BABAM2: variants seen among roughly 807,000 people sequenced by gnomAD.
BABAM2 encodes BRISC and BRCA1 A complex member 2.
A neutral mutation model predicts 54.7 loss-of-function variants in BABAM2; 31 were observed. The observed-to-expected ratio is 0.57, with a 90% CI of 0.43 to 0.77. BABAM2 has a LOEUF of 0.77. Ranked by LOEUF, BABAM2 falls within the 30% of genes least tolerant of loss-of-function variation. The probability of loss-of-function intolerance (pLI) is 0.00; values close to 1 mark genes in which losing one functional copy is unlikely to be tolerated. For synonymous variants in BABAM2, 167 were observed against 162.9 expected, an observed-to-expected ratio of 1.03 and a Z score of -0.19; for missense variants, 364 against 455.8, an observed-to-expected ratio of 0.80 and a Z score of 1.83.
intron 6 of BABAM2, among the ~76,000 whole-genome samples, chr2:28,120,441 G>T (rs1001585439): frequency 1.3e-5 from 2 of 152,126 alleles, no homozygotes; most frequent in Admixed American, 1.3e-4. Context: ...CATCCTAGAG[G>T]ATATAGTATC....
chr2:28,087,883 C>T (rs1306903656), intron 6 of BABAM2, among the ~76,000 whole-genome samples: 1 of 152,186 alleles, frequency 6.6e-6, no homozygotes, highest in Non-Finnish European at 1.5e-5. Flanking sequence ...CTTCTGACGT[C>T]AAGTGATCTG....
chr2:28,260,906 C>T (rs946181780), intron 10 of BABAM2, among the ~76,000 whole-genome samples: 44 of 149,358 alleles, frequency 2.9e-4, no homozygotes, highest in African/African-American at 8.1e-4. Flanking sequence ...TTTAAGCTAT[C>T]GTGAATGAAG....
At chr2:27,905,272 G>T (rs1431673550) in intron 2 of BABAM2, among the ~76,000 whole-genome samples, 5 of 152,148 alleles carry the variant, frequency 3.3e-5, no homozygotes, top group Admixed American at 2.6e-4. Context: ...ATTGGATAGG[G>T]GTTGGAACAC....
intron 3 of BABAM2, among the ~76,000 whole-genome samples, chr2:27,938,277 C>T (rs1175094635): frequency 6.6e-6 from 1 of 152,176 alleles, no homozygotes; most frequent in Non-Finnish European, 1.5e-5. Context: ...ACAAACACTT[C>T]TCAGCAACAC....
rs527900817 is a variant in BABAM2 at position 28,201,039 on chromosome 2, C to T, written c.681-36163C>T. On this transcript the variant is annotated intron_variant, in intron 7 of 11. Transcript: ENST00000379624. ...TCCCACCTCGGCCTCCCAAAGTGCTCAGTTTACAGGCATGAGCCACCATGC... is the reference window on the plus strand; with the variant it reads ...TCCCACCTCGGCCTCCCAAAGTGCTTAGTTTACAGGCATGAGCCACCATGC... 1.1e-4 allele frequency among the ~76,000 whole-genome samples: 16 copies of T among 152,186 alleles called. No individual in the cohort carries two copies. The East Asian group carries it at 2.9e-3, about 28-fold the overall frequency.
At chr2:28,265,535 C>G (rs1203565635) in intron 10 of BABAM2, among the ~76,000 whole-genome samples, 1 of 152,188 alleles carries the variant, frequency 6.6e-6, no homozygotes, top group Non-Finnish European at 1.5e-5. Flanking sequence ...AGTCCCCTCT[C>G]CATGACTCCT....
chr2:28,227,764 A>G (rs900876155), intron 7 of BABAM2, among the ~76,000 whole-genome samples: 2 of 151,980 alleles, frequency 1.3e-5, no homozygotes, highest in African/African-American at 4.8e-5. Context: ...CTAGAGCAGT[A>G]TTTTTTCAAA....
intron 10 of BABAM2, among the ~76,000 whole-genome samples, chr2:28,270,916 A>G (rs1685371640): frequency 6.6e-6 from 1 of 152,212 alleles, no homozygotes; most frequent in African/African-American, 2.4e-5. Context: ...ACAGTGATGT[A>G]ATGCTAGTGT....
At chr2:28,151,361 T>G (rs1275425018) in intron 7 of BABAM2, among the ~76,000 whole-genome samples, 1 of 151,910 alleles carries the variant, frequency 6.6e-6, no homozygotes, top group Non-Finnish European at 1.5e-5. Flanking sequence ...TCACCCGAGG[T>G]CAGGAGTTCG....
At chr2:28,303,589 T>G (rs1688277222) in intron 11 of BABAM2, among the ~76,000 whole-genome samples, 1 of 152,188 alleles carries the variant, frequency 6.6e-6, no homozygotes, top group East Asian at 1.9e-4. Context: ...CCAATATTTC[T>G]TGAAATCAGG....
At chr2:28,196,321 C>CGTCTCAAAAAAAAAAAAAAAA (rs1360883175) in intron 7 of BABAM2, among the ~76,000 whole-genome samples, 8 of 107,682 alleles carry the variant, frequency 7.4e-5, no homozygotes, top group Non-Finnish European at 1.2e-4. Context: ...AGCAAGACTC[C>CGTCTCAAAAAAAAAAAAAAAA]ATATAAAAAA....
chr2:28,155,216 T>TA (rs1573702852), intron 7 of BABAM2, among the ~76,000 whole-genome samples: 2 of 152,144 alleles, frequency 1.3e-5, no homozygotes, highest in Non-Finnish European at 2.9e-5. Context: ...TCAACAGCTG[T>TA]AGAAGTAGAT....
chr2:28,072,416 C>T (rs1350135777), intron 6 of BABAM2, among the ~76,000 whole-genome samples: 42 of 149,384 alleles, frequency 2.8e-4, no homozygotes, highest in African/African-American at 8.6e-4. Context: ...GGCGGAGTCT[C>T]GCTCTGTCAC....
At chr2:28,023,976 AT>A (rs1299577540) in intron 4 of BABAM2, among the ~76,000 whole-genome samples, 1 of 152,148 alleles carries the variant, frequency 6.6e-6, no homozygotes, top group Non-Finnish European at 1.5e-5. Flanking sequence ...TAATGTTTGC[AT>A]TTACGTTGCA....
At position 28,217,945 on chromosome 2, in the gene BABAM2, A is replaced by G. The variant is rs369001649; in HGVS notation, c.681-19257A>G. On this transcript the variant is annotated intron_variant, in intron 7 of 11. Coordinates refer to ENST00000379624, the MANE Select transcript of BABAM2 (RefSeq NM_199191.3). Reference sequence around the variant, plus strand: ...CAGTGGATCTAATATAAACATAAAAATTTAAAGGGTAGTTTACAGGGATTT... The same window carrying G: ...CAGTGGATCTAATATAAACATAAAAGTTTAAAGGGTAGTTTACAGGGATTT... 6.6e-5 allele frequency among the ~76,000 whole-genome samples: 10 copies of G among 152,364 alleles called. No homozygotes were observed. The South Asian group carries it at 1.9e-3, about 28-fold the overall frequency.
At position 28,312,936 on chromosome 2, in the gene BABAM2, C is replaced by A. The variant is rs17006668; in HGVS notation, c.1088+14445C>A. On this transcript the variant is annotated intron_variant, in intron 11 of 11. Transcript: ENST00000379624. ...AAGGCATACAGTATCAAGATTAGAA[C>A]CCTATGCCCCTGATTACTGGTCCAA... is the stretch of plus-strand genomic sequence containing the variant. Among the ~76,000 whole-genome samples, 500 of 152,302 alleles carry A rather than the reference C, an allele frequency of 3.3e-3. 9 individuals are homozygous for A. In the East Asian group the frequency reaches 0.052, roughly 16 times the overall value.
In BABAM2 at chr2:28,170,455, A is replaced by G. The variant is rs369506771; in HGVS notation, c.680+41075A>G. ...CAATATTTTGACTTACTCTGAGTCA[A>G]AGTATCACAATTAGTGTATATAAAA... On this transcript the variant is annotated intron_variant, in intron 7 of 11. Transcript: ENST00000379624. 3.3e-5 allele frequency among the ~76,000 whole-genome samples: 5 copies of G among 152,240 alleles called. No individual in the cohort carries two copies. In the East Asian group the frequency reaches 9.6e-4, roughly 29 times the overall value.
intron 6 of BABAM2, among the ~76,000 whole-genome samples, chr2:28,051,440 A>C (rs923870131): frequency 3.9e-5 from 6 of 152,220 alleles, no homozygotes; most frequent in African/African-American, 1.2e-4. Flanking sequence ...TATTGACAGA[A>C]TATCTTATTT....
At chr2:27,950,693 T>G (rs1011742678) in intron 3 of BABAM2, among the ~76,000 whole-genome samples, 1 of 152,134 alleles carries the variant, frequency 6.6e-6, no homozygotes, top group African/African-American at 2.4e-5. Context: ...CTTTTCTTCA[T>G]TTTTTTCAAA....
Sources: gnomAD v4.1 joint callset for allele counts (sites outside exome capture counted in the v4.1 genomes callset) on GRCh38, gnomAD v4.1.1 for gene constraint, MANE v1.5 for transcripts, NCBI Gene and HGNC (gene_info 2026-07-23, HGNC 2026-07-21) for gene names.